The following CATSPERE variants were observed in gnomAD, a reference collection of about 807,000 sequenced individuals.
CATSPERE encodes the protein catsper channel auxiliary subunit epsilon, also known as cation channel sperm-associated auxiliary subunit epsilon.
A neutral mutation model predicts 114.1 loss-of-function variants in CATSPERE; 93 were observed. That is an observed-to-expected ratio of 0.81 (90% CI 0.69 to 0.97). CATSPERE has a LOEUF of 0.97. Among genes scored for constraint, CATSPERE ranks in the 50% least tolerant of loss-of-function variants. CATSPERE has a pLI of 0.00. For synonymous variants in CATSPERE, 341 were observed against 384.1 expected (o/e 0.89, Z 1.31); for missense variants, 1,058 against 1,131.6 (o/e 0.93, Z 0.93).
At chr1:244,536,774 T>G (rs573020058) in intron 8 of CATSPERE, among the ~76,000 whole-genome samples, 2 of 152,358 alleles carry the variant, frequency 1.3e-5, no homozygotes, top group East Asian at 3.9e-4. Context: ...TTTGGGTAGA[T>G]AGTTGTTAAA....
At chr1:244,593,641 C>G in intron 17 of CATSPERE, 63 bp downstream of exon 17, 1 of 1,343,412 alleles carries the variant, frequency 7.4e-7, no homozygotes, top group Non-Finnish European at 1.1e-6. Context: ...AGCACGAAAA[C>G]AAGACTAATT....
Position 244,568,167 on chromosome 1 carries a change from C to T in CATSPERE, c.1508-4163C>T, listed in dbSNP as rs1046719808. On this transcript the variant is annotated intron_variant, in intron 10 of 21. Coordinates refer to ENST00000366534, the MANE Select transcript of CATSPERE (RefSeq NM_001130957.2). This position sits in a 1 kb window ranked among gnomAD's most constrained non-coding sequence, Gnocchi z 4.4. ...CCCCTGTTTGCCTGGGTATCACCAG[C>T]AGAGACTGCAGAACAGCAAAGATTG... is the stretch of plus-strand genomic sequence containing the variant. Among the ~76,000 whole-genome samples the T allele has an allele frequency of 2.4e-4, 36 of 152,220 alleles. No homozygotes were observed. Among genetic ancestry groups the T allele is most frequent in the Non-Finnish European group, 3.5e-4 (24 of 68,032 alleles).
chr1:244,526,418 A>G (rs1678608813), intron 8 of CATSPERE, among the ~76,000 whole-genome samples: 1 of 152,144 alleles, frequency 6.6e-6, no homozygotes, highest in East Asian at 1.9e-4. Flanking sequence ...AAAAGAAAAA[A>G]AAAAAAGGAA....
intron 7 of CATSPERE, among the ~76,000 whole-genome samples, chr1:244,507,983 T>A (rs1044288078): frequency 1.1e-4 from 17 of 151,738 alleles, no homozygotes; most frequent in African/African-American, 4.1e-4. Context: ...AATTTTAGGA[T>A]TTTTTTTTCT....
At chr1:244,601,908 C>G (rs1558573459) in intron 17 of CATSPERE, among the ~76,000 whole-genome samples, 1 of 151,774 alleles carries the variant, frequency 6.6e-6, no homozygotes, top group Non-Finnish European at 1.5e-5. Flanking sequence ...GTGCCAAGAT[C>G]GCACCACTGC....
chr1:244,459,595 C>G (rs1186175957), upstream of CATSPERE, among the ~76,000 whole-genome samples: 2 of 152,174 alleles, frequency 1.3e-5, no homozygotes, highest in African/African-American at 2.4e-5. Context: ...AAAAATTATG[C>G]TTCAAAAGAA....
chr1:244,604,399 G>C (rs1004023346), intron 17 of CATSPERE, among the ~76,000 whole-genome samples: 8 of 152,268 alleles, frequency 5.3e-5, no homozygotes, highest in Non-Finnish European at 7.3e-5. Context: ...GTGAGAATGG[G>C]ACAATAAATG....
intron 2 of CATSPERE, among the ~76,000 whole-genome samples, chr1:244,476,572 G>A (rs570408942): frequency 1.3e-4 from 20 of 151,564 alleles, no homozygotes; most frequent in Middle Eastern, 3.2e-3. Context: ...TCTATGAAAC[G>A]GTTTACCACC....
At chr1:244,522,219 C>G (rs1300099976) in intron 8 of CATSPERE, among the ~76,000 whole-genome samples, 1 of 152,148 alleles carries the variant, frequency 6.6e-6, no homozygotes, top group Non-Finnish European at 1.5e-5. Context: ...ACTGAACAAC[C>G]TGCTCCTGAA....
Position 244,635,627 on chromosome 1 carries a change from G to A in CATSPERE, c.2702+85G>A, listed in dbSNP as rs896353816. The A allele has an allele frequency of 3.6e-5, 36 of 998,774 alleles. No individual in the cohort carries two copies. The East Asian group carries it at 5.7e-4, about 16-fold the overall frequency. The allele number at this position is 998,774 out of a possible 1,614,324, so 61.9% of individuals were successfully genotyped here. A position where few individuals can be genotyped will look rare whatever the true frequency, so the allele number is the denominator to read the frequency against. On this transcript the variant is annotated intron_variant, in intron 21 of 21. Transcript: ENST00000366534. ...TAAGAAGGAAAAGCACCTCTCCCCCGTGTCTCCCAGAAGCAGCCTGTGCAC... is the reference window on the plus strand; with the variant it reads ...TAAGAAGGAAAAGCACCTCTCCCCCATGTCTCCCAGAAGCAGCCTGTGCAC...
At chr1:244,588,671 C>A in intron 14 of CATSPERE, 137 bp downstream of exon 14, 1 of 686,624 alleles carries the variant, frequency 1.5e-6, no homozygotes, top group Non-Finnish European at 2.6e-6. Context: ...GACGTTCATG[C>A]CTAGATTCAA....
At chr1:244,490,493 G>C (rs762006526) in intron 6 of CATSPERE, 22 bp downstream of exon 6, 28 of 1,379,772 alleles carry the variant, frequency 2.0e-5, no homozygotes, top group Non-Finnish European at 2.6e-5. Context: ...TTTAAATTTT[G>C]TATAGCCTTC....
chr1:244,478,787 A>G (rs1408272176), intron 4 of CATSPERE, among the ~76,000 whole-genome samples: 1 of 152,054 alleles, frequency 6.6e-6, no homozygotes, highest in Non-Finnish European at 1.5e-5. Context: ...TGATCCCAGC[A>G]CTTTGGGAGG....
At chr1:244,465,547 A>G (rs1667473063) in intron 2 of CATSPERE, among the ~76,000 whole-genome samples, 1 of 151,990 alleles carries the variant, frequency 6.6e-6, no homozygotes, top group Admixed American at 6.6e-5. Flanking sequence ...TACCTTTCTC[A>G]TGTCACCTTT....
At chr1:244,516,125 A>T (rs1676571494) in intron 7 of CATSPERE, among the ~76,000 whole-genome samples, 1 of 151,820 alleles carries the variant, frequency 6.6e-6, no homozygotes, top group Non-Finnish European at 1.5e-5. Context: ...TGAAAGGCAG[A>T]GGTTGCAGTG....
chr1:244,566,347 G>A (rs950355071), intron 10 of CATSPERE, among the ~76,000 whole-genome samples: 6 of 152,100 alleles, frequency 3.9e-5, no homozygotes, highest in Non-Finnish European at 5.9e-5. Flanking sequence ...GGTCCGCTTG[G>A]TCCAGGGCTG....
chr1:244,565,361 G>C (rs1471037299), intron 10 of CATSPERE, among the ~76,000 whole-genome samples: 2 of 152,132 alleles, frequency 1.3e-5, no homozygotes, highest in African/African-American at 4.8e-5. Flanking sequence ...GAATTTGGCT[G>C]TGAATCTGTC....
At chr1:244,561,848 A>G (rs1662605319) in intron 10 of CATSPERE, among the ~76,000 whole-genome samples, 1 of 152,086 alleles carries the variant, frequency 6.6e-6, no homozygotes, top group Non-Finnish European at 1.5e-5. Context: ...CCAAATAACC[A>G]ACTATTAAGA....
intron 20 of CATSPERE, among the ~76,000 whole-genome samples, chr1:244,625,916 T>C (rs1418327372): frequency 1.3e-5 from 2 of 151,840 alleles, no homozygotes; most frequent in Non-Finnish European, 2.9e-5. Flanking sequence ...AAGGAATCTT[T>C]TTTTTTTTCT....
Sources: gnomAD v4.1 joint callset for allele counts (sites outside exome capture counted in the v4.1 genomes callset) on GRCh38, gnomAD v4.1.1 for gene constraint, Gnocchi (gnomAD v3.1) non-coding constraint, MANE v1.5 for transcripts, NCBI Gene and HGNC (gene_info 2026-07-23, HGNC 2026-07-21) for gene names.